The following ZSWIM5 variants were observed in gnomAD, a reference collection of about 807,000 sequenced individuals.
ZSWIM5 encodes the protein zinc finger SWIM domain-containing protein 5.
ZSWIM5 carries 55 observed loss-of-function variants against 119.6 expected under a neutral mutation model. The observed-to-expected ratio is 0.46, with a 90% CI of 0.37 to 0.58. The LOEUF is 0.58. ZSWIM5 is among the 20% of genes least tolerant of loss of function. The pLI is 0.00. For synonymous variants in ZSWIM5, 537 were observed against 606.9 expected (o/e 0.88, Z 1.69); for missense variants, 1,193 against 1,512.8 (o/e 0.79, Z 3.51).
intron 1 of ZSWIM5, among the ~76,000 whole-genome samples, chr1:45,195,867 CTTTT>C (rs1471918740): frequency 6.8e-6 from 1 of 147,546 alleles, no homozygotes; most frequent in Non-Finnish European, 1.5e-5. Context: ...GTTAATTTTT[CTTTT>C]TCTTTTTTTT....
intron 6 of ZSWIM5, among the ~76,000 whole-genome samples, chr1:45,042,877 G>A (rs991049844): frequency 3.3e-5 from 5 of 152,290 alleles, no homozygotes; most frequent in African/African-American, 4.8e-5. Context: ...AACAAAACAT[G>A]TAATTTCAGA....
At chr1:45,107,677 T>A (rs1450591633) in intron 1 of ZSWIM5, among the ~76,000 whole-genome samples, 1 of 151,972 alleles carries the variant, frequency 6.6e-6, no homozygotes. Context: ...GTGATTTAAT[T>A]TTCCCCCAAC....
rs912816630 is a variant in ZSWIM5, at chr1:45,035,971, T to C, written c.2155+68A>G. 10 of 1,576,648 alleles carry C rather than the reference T, an allele frequency of 6.3e-6. No homozygotes were observed. In the African/African-American group the frequency reaches 9.5e-5, roughly 15 times the overall value. On this transcript the variant is annotated intron_variant, in intron 9 of 13. Coordinates refer to ENST00000359600, the MANE Select transcript of ZSWIM5 (RefSeq NM_020883.2). ...GTCATAAATGTTCCTGTACTTGTAC[T>C]CTATTGGAGAGGGGAGCTCAGGGTC...
At chr1:45,144,301 G>A (rs780695211) in intron 1 of ZSWIM5, among the ~76,000 whole-genome samples, 10 of 151,990 alleles carry the variant, frequency 6.6e-5, no homozygotes, top group Non-Finnish European at 1.3e-4. Context: ...GCTGAGGCAG[G>A]AGGATCATTT....
chr1:45,190,240 A>C (rs1646083194), intron 1 of ZSWIM5, among the ~76,000 whole-genome samples: 1 of 152,094 alleles, frequency 6.6e-6, no homozygotes, highest in Non-Finnish European at 1.5e-5. Flanking sequence ...TAGGAGGATC[A>C]CCTGGGCCAG....
intron 2 of ZSWIM5, among the ~76,000 whole-genome samples, chr1:45,084,561 G>C (rs1302697009): frequency 1.3e-5 from 2 of 152,156 alleles, no homozygotes; most frequent in Non-Finnish European, 2.9e-5. Context: ...TCAAAAACAA[G>C]TTACTTCCAA....
chr1:45,052,088 C>T (rs1166535813), intron 4 of ZSWIM5, among the ~76,000 whole-genome samples: 1 of 151,508 alleles, frequency 6.6e-6, no homozygotes, highest in Non-Finnish European at 1.5e-5. Flanking sequence ...CTGCAACCTC[C>T]ACCTCCTGAG....
intron 7 of ZSWIM5, among the ~76,000 whole-genome samples, chr1:45,039,572 C>T (rs1645006866): frequency 6.6e-6 from 1 of 151,886 alleles, no homozygotes; most frequent in Non-Finnish European, 1.5e-5. Flanking sequence ...TTTGATAGAA[C>T]TGGGGTTTCA....
chr1:45,168,495 T>A (rs114528661), intron 1 of ZSWIM5, among the ~76,000 whole-genome samples: 15,108 of 148,804 alleles, frequency 0.1, 817 homozygotes, highest in Middle Eastern at 0.15. Flanking sequence ...ATATATATAT[T>A]TTTTTTAAAA....
At chr1:45,191,902 A>G (rs1646095338) in intron 1 of ZSWIM5, among the ~76,000 whole-genome samples, 1 of 152,192 alleles carries the variant, frequency 6.6e-6, no homozygotes, top group Non-Finnish European at 1.5e-5. Context: ...CACAACTTTG[A>G]AAAGTACACA....
intron 1 of ZSWIM5, among the ~76,000 whole-genome samples, chr1:45,124,183 A>G (rs1042623680): frequency 6.6e-6 from 1 of 152,166 alleles, no homozygotes; most frequent in African/African-American, 2.4e-5. Flanking sequence ...GGCAGTAAAC[A>G]AAAATATGAG....
chr1:45,055,237 G>A (rs1402201856), intron 4 of ZSWIM5, among the ~76,000 whole-genome samples: 5 of 152,076 alleles, frequency 3.3e-5, no homozygotes, highest in Admixed American at 6.6e-5. Context: ...TGATCCGCCT[G>A]CCTTGGCCTC....
At chr1:45,200,479 T>C (rs1175513690) in intron 1 of ZSWIM5, among the ~76,000 whole-genome samples, 1 of 152,140 alleles carries the variant, frequency 6.6e-6, no homozygotes, top group Non-Finnish European at 1.5e-5. Flanking sequence ...TTGTAAACCA[T>C]AGTAATTTAG....
At chr1:45,114,692 G>C (rs1645537286) in intron 1 of ZSWIM5, among the ~76,000 whole-genome samples, 1 of 150,784 alleles carries the variant, frequency 6.6e-6, no homozygotes, top group African/African-American at 2.5e-5. Context: ...GTGTTTCTCG[G>C]AGAGGGATTT....
chr1:45,085,259 G>A (rs186040890), intron 2 of ZSWIM5, among the ~76,000 whole-genome samples: 34 of 152,322 alleles, frequency 2.2e-4, no homozygotes, highest in South Asian at 6.2e-4. Context: ...GCAGGGTAGC[G>A]GAGCCCTGGG....
intron 2 of ZSWIM5, among the ~76,000 whole-genome samples, chr1:45,077,682 G>A (rs530396539): frequency 6.6e-6 from 1 of 152,180 alleles, no homozygotes; most frequent in African/African-American, 2.4e-5. Flanking sequence ...TAATAAGCCT[G>A]GGAGCGCTAT....
intron 1 of ZSWIM5, among the ~76,000 whole-genome samples, chr1:45,145,018 T>C (rs1292110905): frequency 6.6e-6 from 1 of 152,174 alleles, no homozygotes; most frequent in Non-Finnish European, 1.5e-5. Context: ...ATGTGGGTAC[T>C]ACTCTGAAGA....
At chr1:45,058,947 T>C (rs961286977) in intron 3 of ZSWIM5, among the ~76,000 whole-genome samples, 188 bp from the exon 4 acceptor site, 5 of 152,090 alleles carry the variant, frequency 3.3e-5, no homozygotes, top group African/African-American at 1.2e-4. Context: ...ATGTTCACAA[T>C]AAGATACCAC....
Position 45,034,506 on chromosome 1 carries a change from G to A in ZSWIM5, c.2292-37C>T, listed in dbSNP as rs757063282. On this transcript the variant is annotated intron_variant, in intron 10 of 13. Transcript: ENST00000359600. ...AGGAAGAATCATCAGCCACCATCCA[G>A]ACCCTGGGCTTCCGAGCCACCTTAG... 21 of 1,557,526 alleles carry A rather than the reference G, an allele frequency of 1.3e-5. No homozygotes were observed. The Admixed American group carries it at 2.5e-4, about 19-fold the overall frequency.
Sources: allele counts gnomAD v4.1 joint callset (sites outside exome capture counted in the v4.1 genomes callset), GRCh38; gene constraint gnomAD v4.1.1; transcripts MANE v1.5; gene names NCBI Gene and HGNC (gene_info 2026-07-23, HGNC 2026-07-21).